Variants in CCDC159 observed in about 807,000 individuals in gnomAD.
CCDC159 encodes the protein coiled-coil domain containing 159.
A neutral mutation model predicts 50.9 loss-of-function variants in CCDC159; 40 were observed. The observed-to-expected ratio is 0.79, with a 90% confidence interval of 0.61 to 1.02. The LOEUF is 1.02. CCDC159 is among the 50% of genes least tolerant of loss of function. CCDC159 has a pLI of 0.00. For missense variants in CCDC159, 356 were observed against 371.5 expected (o/e 0.96, Z 0.34); for synonymous variants, 146 against 138.9 (o/e 1.05, Z -0.36).
chr19:11,346,610 G>GGA lies in CCDC159; in HGVS notation c.8_9dup (p.His4SerfsTer5). On this transcript the variant is annotated frameshift_variant, in exon 1 of 11. Coordinates refer to ENST00000458408, the MANE Select transcript of CCDC159 (RefSeq NM_001080503.3). LOFTEE classifies it high-confidence loss of function. The stretch of plus-strand genomic sequence containing the variant: ...AGGACTGGCTTCGTGGTCCCTGATG[G>GGA]GAGAGCATGAACAGGTGGTATGTGG... The GGA allele has an allele frequency of 6.4e-7, 1 of 1,551,516 alleles. No homozygotes were observed. The highest frequency in any genetic ancestry group is 1.7e-4 in the Middle Eastern group (1 of 5,990).
At chr19:11,349,275 A>C (rs1967440040) in intron 1 of CCDC159, 1 of 913,862 alleles carries the variant, frequency 1.1e-6, no homozygotes, top group South Asian at 1.6e-5. Flanking sequence ...AGGGGCTGTA[A>C]GGCAGAGAGA....
intron 1 of CCDC159, chr19:11,348,142 C>T (rs989152563): frequency 6.6e-6 from 3 of 456,542 alleles, no homozygotes; most frequent in African/African-American, 2.0e-5. Context: ...ACATGCTGCT[C>T]CCTGCCAGGA....
chr19:11,351,668 G>A, intron 5 of CCDC159: 3 of 466,818 alleles, frequency 6.4e-6, no homozygotes, highest in South Asian at 5.8e-5. Context: ...GAGGTGGGGA[G>A]GTGGAGGCCA....
At chr19:11,351,839 C>G (rs1372985912) in intron 5 of CCDC159, 67 bp from the exon 6 acceptor site, 26 of 1,436,448 alleles carry the variant, frequency 1.8e-5, no homozygotes, top group Non-Finnish European at 2.5e-5. Context: ...GGTGGAGGCA[C>G]AGATAGGGGC....
chr19:11,353,557 A>G lies in CCDC159; in HGVS notation c.674A>G (p.Glu225Gly), dbSNP rs776755136. Residue 225 changes from glutamate (E) to glycine (G), a missense_variant, in exon 8 of 11, where the codon GAA (glutamate) becomes GGA (glycine). Transcript: ENST00000458408. ...SGCWKDDLQKELSDIWSAVHV... is the reference protein window; with the variant it reads ...SGCWKDDLQKGLSDIWSAVHV... ...TGCTGGAAGGATGACCTCCAGAAGGAACTGAGTGATATATGGTGATGCCCA... is the reference window on the plus strand; with the variant it reads ...TGCTGGAAGGATGACCTCCAGAAGGGACTGAGTGATATATGGTGATGCCCA... 11 of 1,613,670 alleles carry G rather than the reference A, an allele frequency of 6.8e-6. No homozygotes were observed. In the South Asian group the frequency reaches 1.2e-4, roughly 18 times the overall value.
Position 11,346,596 on chromosome 19 carries a change from C to A in CCDC159, c.-11C>A. ...CAGCGTCACAGCTGAGGACTGGCTT[C>A]GTGGTCCCTGATGGGAGAGCATGAA... On this transcript the variant is annotated 5_prime_UTR_variant, in exon 1 of 11. Coordinates refer to ENST00000458408, the MANE Select transcript of CCDC159 (RefSeq NM_001080503.3). 1 of 1,551,498 alleles carries A rather than the reference C, an allele frequency of 6.4e-7. No homozygotes were observed. The highest frequency in any genetic ancestry group is 8.7e-7 in the Non-Finnish European group (1 of 1,146,904).
At chr19:11,354,212 T>C (rs373269317) in intron 9 of CCDC159, among the ~76,000 whole-genome samples, 1 of 152,028 alleles carries the variant, frequency 6.6e-6, no homozygotes, top group East Asian at 1.9e-4. Flanking sequence ...ACCCCATCTC[T>C]CCAAAAAATT....
rs539122291 is a variant in CCDC159, at chr19:11,347,194, A to T, written c.21+567A>T. Among the ~76,000 whole-genome samples, 8 of 152,192 alleles carry T rather than the reference A, an allele frequency of 5.3e-5. No individual in the cohort carries two copies. In the East Asian group the frequency reaches 1.5e-3, roughly 29 times the overall value. On this transcript the variant is annotated intron_variant, in intron 1 of 10. Coordinates refer to ENST00000458408, the MANE Select transcript of CCDC159 (RefSeq NM_001080503.3). The stretch of plus-strand genomic sequence containing the variant: ...TTAGGACATTTCAGGCAGAAGAAAA[A>T]CGTGTACATCACAGGGTGGGTGTGA...
rs746161848 is a variant in CCDC159, at chr19:11,350,857, G to C, written c.276G>C (p.Trp92Cys). 1 of 1,551,710 alleles carries C rather than the reference G, an allele frequency of 6.4e-7. No homozygotes were observed. Among genetic ancestry groups the C allele is most frequent in the South Asian group, 1.2e-5 (1 of 84,054 alleles). ...GRQGEKEEHK[W>C]GMEQGRQELY... is the part of the protein sequence containing the mutation. ...AGGGAGAGAAGGAGGAGCACAAGTG[G>C]GGCATGGAGCAGGGCCGGCAGGAGC... is the stretch of plus-strand genomic sequence containing the variant. The change falls in exon 5 of 11, where the codon TGG becomes TGC. Residue 92 changes from tryptophan to cysteine, a missense_variant. Transcript: ENST00000458408.
At position 11,354,695 on chromosome 19, in the gene CCDC159, C is replaced by T. The variant is rs374751855; in HGVS notation, c.888C>T (p.Pro296=). The T allele has an allele frequency of 7.2e-5, 115 of 1,606,932 alleles. No homozygotes were observed. The highest frequency in any genetic ancestry group is 1.5e-4 in the Admixed American group (9 of 58,692). Residue 296 remains proline (P), a splice_region_variant and synonymous_variant, in exon 10 of 11, where the codon CCC becomes CCT. Transcript: ENST00000458408. ...GCAAGAGCGGCCGCTCCTTCCCACC[C>T]GGTGCAGATCCTCCCCAGTCCCCCC... is the stretch of plus-strand genomic sequence containing the variant. ...PFSKSGRSFP[P]A is the part of the protein sequence containing the mutation.
chr19:11,353,804 C>T lies in CCDC159; in HGVS notation c.702C>T (p.His234=), dbSNP rs377572115. Residue 234 remains histidine (H), a synonymous_variant, in exon 9 of 11, where the codon CAC becomes CAT. Transcript: ENST00000458408. ...KELSDIWSAV[H]VLQNSIDSLT... ...TGTCTTCTTGCAGGTCTGCTGTGCA[C>T]GTGCTGCAGAACTCCATAGACAGCC... 1.1e-4 allele frequency: 173 copies of T among 1,597,530 alleles called. No individual in the cohort carries two copies. The highest frequency in any genetic ancestry group is 1.6e-4 in the East Asian group (7 of 44,134).
chr19:11,351,995 C>G (rs1967612001), intron 6 of CCDC159, 22 bp downstream of exon 6: 1 of 1,610,928 alleles, frequency 6.2e-7, no homozygotes, highest in South Asian at 1.1e-5. Context: ...GAGCCCACAG[C>G]CGGTGTGTGG....
chr19:11,348,666 C>A, intron 1 of CCDC159: 1 of 452,822 alleles, frequency 2.2e-6, no homozygotes, highest in Non-Finnish European at 4.5e-6. Context: ...AGGGCTGAGG[C>A]CTCTCTGGCA....
rs538669829 is a variant in CCDC159 at position 11,353,498 on chromosome 19, G to T, written c.615G>T (p.Pro205=). Residue 205 remains proline (P), a synonymous_variant, in exon 8 of 11, where the codon CCG becomes CCT. Coordinates refer to ENST00000458408, the MANE Select transcript of CCDC159 (RefSeq NM_001080503.3). ...AGGGTCATGAGACAGCCGCCTGTCC[G>T]GAGACTGAAGAGATACCGCAGGGAG... The part of the protein sequence containing the change: ...KQQGHETAAC[P]ETEEIPQGAS... 30 of 1,609,960 alleles carry T rather than the reference G, an allele frequency of 1.9e-5. No individual in the cohort carries two copies. The South Asian group carries it at 3.3e-4, about 18-fold the overall frequency.
At position 11,348,927 on chromosome 19, in the gene CCDC159, G is replaced by T. The variant is rs916508302; in HGVS notation, c.22-727G>T. 4.6e-6 allele frequency: 6 copies of T among 1,303,418 alleles called. No individual in the cohort carries two copies. The African/African-American group carries it at 9.0e-5, about 19-fold the overall frequency. The allele number at this position is 1,303,418 out of a possible 1,614,324, so 80.7% of individuals were successfully genotyped here. On this transcript the variant is annotated intron_variant, in intron 1 of 10. Transcript: ENST00000458408. ...CTGGGAGGGGCTGGGAATGTGAGGAGTGCCCTGCACTGTCCCTCAAGGAAG... is the reference window on the plus strand; with the variant it reads ...CTGGGAGGGGCTGGGAATGTGAGGATTGCCCTGCACTGTCCCTCAAGGAAG...
chr19:11,354,623 G>A lies in CCDC159; in HGVS notation c.816G>A (p.Trp272Ter). 6.2e-7 allele frequency: 1 copy of A among 1,603,238 alleles called. No homozygotes were observed. Among genetic ancestry groups the A allele is most frequent in the Non-Finnish European group, 8.5e-7 (1 of 1,174,870 alleles). Residue 272 changes from tryptophan (W) to a stop codon, truncating the protein, a stop_gained, in exon 10 of 11, where the codon TGG becomes TGA. Transcript: ENST00000458408. LOFTEE classifies it high-confidence loss of function. ...GCCTGAGCCCTCCACTCCCCTCCTG[G>A]GACTCTGACTCCGACTGTGACCAGG... ...HQCLSPPLPS[W>*]DSDSDCDQDL...
At chr19:11,349,122 C>A in intron 1 of CCDC159, 1 of 1,351,082 alleles carries the variant, frequency 7.4e-7, no homozygotes, top group Non-Finnish European at 9.8e-7. Context: ...GCTGCCCCCT[C>A]CCCCAGTCCA....
chr19:11,349,668 C>A lies in CCDC159; in HGVS notation c.36C>A (p.Thr12=), dbSNP rs777427552. 1.2e-6 allele frequency: 2 copies of A among 1,612,576 alleles called. No homozygotes were observed. The highest frequency in any genetic ancestry group is 1.7e-5 in the Admixed American group (1 of 59,948). ...GEHEQVKPLE[T]SSSKVKAKTI... ...CTCTTCCTTAGAAGCCCTTGGAGAC[C>A]AGCTCTTCCAAAGTCAAAGGTGAGA... The change falls in exon 2 of 11, where the codon ACC becomes ACA. Residue 12 remains threonine, a synonymous_variant. Transcript: ENST00000458408.
intron 1 of CCDC159, chr19:11,348,614 A>T (rs983093941): frequency 2.8e-4 from 113 of 399,932 alleles, no homozygotes; most frequent in South Asian, 2.0e-3. Flanking sequence ...ATCATCTTTT[A>T]TCCAGCTTTG....
Sources: gnomAD v4.1 joint callset for allele counts (sites outside exome capture counted in the v4.1 genomes callset) on GRCh38, gnomAD v4.1.1 for gene constraint, MANE v1.5 for transcripts, NCBI Gene and HGNC (gene_info 2026-07-23, HGNC 2026-07-21) for gene names.